The following LAYN variants were observed in gnomAD, a reference collection of about 807,000 sequenced individuals.
LAYN encodes the protein layilin.
A neutral mutation model predicts 43.6 loss-of-function variants in LAYN; 38 were observed. The observed-to-expected ratio is 0.87, with a 90% CI of 0.67 to 1.14. LAYN has a LOEUF of 1.14. LAYN is among the 50% of genes most tolerant of loss of function. The probability of loss-of-function intolerance (pLI) is 0.00; values close to 1 mark genes in which losing one functional copy is unlikely to be tolerated. For missense variants in LAYN, 479 were observed against 463.8 expected (o/e 1.03, Z -0.30); for synonymous variants, 168 against 172.9 (o/e 0.97, Z 0.22).
intron 5 of LAYN, among the ~76,000 whole-genome samples, chr11:111,555,825 A>T (rs1241372826): frequency 6.6e-6 from 1 of 152,242 alleles, no homozygotes; most frequent in African/African-American, 2.4e-5. Context: ...TTTAAAAACC[A>T]CTTTACTTCT....
chr11:111,541,625 C>A, intron 1 of LAYN: 1 of 1,526,620 alleles, frequency 6.6e-7, no homozygotes, highest in Non-Finnish European at 8.8e-7. Context: ...AGTTGTTCTG[C>A]ATGTCGGGGG....
intron 2 of LAYN, among the ~76,000 whole-genome samples, chr11:111,547,151 C>G (rs1455345554): frequency 1.3e-5 from 2 of 152,220 alleles, no homozygotes; most frequent in Non-Finnish European, 2.9e-5. Context: ...CTACCATGTG[C>G]TATGCTTCAT....
chr11:111,559,418 G>T (rs957266854), intron 6 of LAYN, among the ~76,000 whole-genome samples: 24 of 151,778 alleles, frequency 1.6e-4, no homozygotes, highest in African/African-American at 5.8e-4. Flanking sequence ...GATGAGTCGT[G>T]TTTTTTGTTG....
In LAYN at chr11:111,560,699, G is replaced by C. The variant is rs1438551219; in HGVS notation, c.*241G>C. The C allele has an allele frequency of 2.1e-5, 10 of 485,772 alleles. No individual in the cohort carries two copies. Among genetic ancestry groups the C allele is most frequent in the Non-Finnish European group, 3.7e-5 (10 of 271,484 alleles). The allele number at this position is 485,772 out of a possible 1,614,324, so 30.1% of individuals were successfully genotyped here. On this transcript the variant is annotated 3_prime_UTR_variant, in exon 7 of 7. Transcript: ENST00000375614. ...CCTTGCCCAGGTCTGGCACATAGTA[G>C]AGTCTCAATAAATGTCACTTGGTTG...
At chr11:111,551,053 G>A (rs745584817) in intron 3 of LAYN, among the ~76,000 whole-genome samples, 6 of 152,158 alleles carry the variant, frequency 3.9e-5, no homozygotes, top group Non-Finnish European at 7.3e-5. Flanking sequence ...CATTTGCTGA[G>A]GTGTAGGCCA....
chr11:111,554,495 G>A (rs750039682), intron 3 of LAYN, 66 bp from the exon 4 acceptor site: 68 of 1,243,344 alleles, frequency 5.5e-5, no homozygotes, highest in Non-Finnish European at 7.7e-5. Flanking sequence ...TGAGGCTGTG[G>A]TTGATTTCAT....
chr11:111,558,727 G>A (rs1482551457), intron 6 of LAYN, among the ~76,000 whole-genome samples: 2 of 150,374 alleles, frequency 1.3e-5, no homozygotes, highest in African/African-American at 4.9e-5. Context: ...GTCTGGTGAG[G>A]CCTATGGACT....
chr11:111,559,363 A>G (rs1379568219), intron 6 of LAYN, among the ~76,000 whole-genome samples: 1 of 152,198 alleles, frequency 6.6e-6, no homozygotes, highest in Non-Finnish European at 1.5e-5. Context: ...CTGCTGTTTT[A>G]TCTCTTACAT....
chr11:111,554,952 T>C (rs1867808666), intron 4 of LAYN, among the ~76,000 whole-genome samples: 1 of 152,220 alleles, frequency 6.6e-6, no homozygotes, highest in South Asian at 2.1e-4. Flanking sequence ...ACCTTGGTAT[T>C]TTATGTACCT....
chr11:111,549,736 T>C lies in LAYN; in HGVS notation c.502T>C (p.Cys168Arg), dbSNP rs1235628970. ...CATGTTCCAGTGGAATGATGACCGG[T>C]GCAACATGAAGAACAATTTCATTTG... ...PYMFQWNDDR[C>R]NMKNNFICKY... Residue 168 changes from cysteine to arginine, a missense_variant, in exon 3 of 7, where the codon TGC becomes CGC. Cys to Arg is a radical substitution (Grantham distance 180). Coordinates refer to ENST00000375614, the MANE Select transcript of LAYN (RefSeq NM_178834.5). The C allele has an allele frequency of 3.7e-6, 6 of 1,606,430 alleles. 1 individual carries two copies. Among genetic ancestry groups the C allele is most frequent in the South Asian group, 2.2e-5 (2 of 89,118 alleles).
At chr11:111,557,863 G>A (rs974428660) in intron 6 of LAYN, among the ~76,000 whole-genome samples, 5 of 152,146 alleles carry the variant, frequency 3.3e-5, no homozygotes, top group African/African-American at 1.2e-4. Context: ...CTGTCTGTAC[G>A]TGGAAGATTT....
At chr11:111,551,131 G>T (rs530373808) in intron 3 of LAYN, among the ~76,000 whole-genome samples, 2 of 152,288 alleles carry the variant, frequency 1.3e-5, no homozygotes, top group South Asian at 4.1e-4. Context: ...AGGCCTGAAG[G>T]AATAAAAGGA....
Position 111,555,259 on chromosome 11 carries a change from A to T in LAYN, c.627A>T (p.Glu209Asp). 1 of 1,613,956 alleles carries T rather than the reference A, an allele frequency of 6.2e-7. No homozygotes were observed. The highest frequency in any genetic ancestry group is 2.2e-5 in the East Asian group (1 of 44,872). Reference sequence around the variant, plus strand: ...TACTTCCAGAAGAAACACAGGAAGAAGATGCCAAAAAAACATTTAAAGAAA... The same window carrying T: ...TACTTCCAGAAGAAACACAGGAAGATGATGCCAAAAAAACATTTAAAGAAA... ...TPVLPEETQE[E>D]DAKKTFKESR... is the part of the protein sequence containing the mutation. Residue 209 changes from glutamate to aspartate, a missense_variant, in exon 5 of 7, where the codon GAA (glutamate) becomes GAT (aspartate). Glu to Asp is a conservative substitution (Grantham distance 45). Coordinates refer to ENST00000375614, the MANE Select transcript of LAYN (RefSeq NM_178834.5).
At chr11:111,551,221 T>A (rs1402511151) in intron 3 of LAYN, 1 of 397,220 alleles carries the variant, frequency 2.5e-6, no homozygotes, top group Non-Finnish European at 5.0e-6. Context: ...TACCACAAAA[T>A]GCAGCTACTA....
chr11:111,543,090 G>A (rs969456754), intron 1 of LAYN, among the ~76,000 whole-genome samples: 7 of 152,140 alleles, frequency 4.6e-5, no homozygotes, highest in Admixed American at 1.3e-4. Context: ...GGGGTGCAGC[G>A]GGGAGCTAGC....
rs149600649 is a variant in LAYN, at chr11:111,545,079, T to C, written c.383+859T>C. Among the ~76,000 whole-genome samples, 927 of 151,186 alleles carry C rather than the reference T, an allele frequency of 6.1e-3. 8 individuals carry two copies. The highest frequency in any genetic ancestry group is 0.021 in the African/African-American group (862 of 41,234). On this transcript the variant is annotated intron_variant, in intron 2 of 6. Coordinates refer to ENST00000375614, the MANE Select transcript of LAYN (RefSeq NM_178834.5). ...AAATATATATATATATATATATTTT[T>C]TACCTATTACATTTAAGGCAGCACA...
chr11:111,543,860 A>C, intron 1 of LAYN, 63 bp from the exon 2 acceptor site: 1 of 1,501,978 alleles, frequency 6.7e-7, no homozygotes, highest in Non-Finnish European at 9.0e-7. Context: ...GGATGCCTCC[A>C]CGTATCCCTG....
intron 3 of LAYN, among the ~76,000 whole-genome samples, chr11:111,553,187 G>A (rs1356697850): frequency 6.6e-6 from 1 of 152,098 alleles, no homozygotes; most frequent in Non-Finnish European, 1.5e-5. Flanking sequence ...AGCTTGCAGT[G>A]AGCCGAGATC....
chr11:111,545,029 A>G (rs920327198), intron 2 of LAYN, among the ~76,000 whole-genome samples: 1 of 148,880 alleles, frequency 6.7e-6, no homozygotes, highest in Non-Finnish European at 1.5e-5. Flanking sequence ...ACATATACCT[A>G]CTATGTACCC....
Sources: gnomAD v4.1 joint callset for allele counts (sites outside exome capture counted in the v4.1 genomes callset) on GRCh38, gnomAD v4.1.1 for gene constraint, MANE v1.5 for transcripts, NCBI Gene and HGNC (gene_info 2026-07-23, HGNC 2026-07-21) for gene names.